SGCZ: variants seen among roughly 807,000 people sequenced by gnomAD.
The protein encoded by SGCZ is sarcoglycan zeta, also known as zeta-sarcoglycan.
A neutral mutation model predicts 41.3 loss-of-function variants in SGCZ; 40 were observed. The observed-to-expected ratio is 0.97, with a 90% CI of 0.75 to 1.26. SGCZ has a LOEUF of 1.26. Among genes scored for constraint, SGCZ ranks in the 50% most tolerant of loss-of-function variants. SGCZ has a pLI of 0.00. For missense variants in SGCZ, 552 were observed against 369.8 expected (o/e 1.49, Z -4.04); for synonymous variants, 206 against 137.5 (o/e 1.50, Z -3.49).
chr8:14,272,547 T>C (rs954631784), intron 3 of SGCZ, among the ~76,000 whole-genome samples: 3 of 152,086 alleles, frequency 2.0e-5, no homozygotes, highest in African/African-American at 7.2e-5. Flanking sequence ...GAACTTGGAG[T>C]TGTCAGTGAA....
chr8:14,709,318 C>T (rs957607), intron 1 of SGCZ, among the ~76,000 whole-genome samples: 9,380 of 152,206 alleles, frequency 0.062, 567 homozygotes, highest in African/African-American at 0.16. Context: ...ATCCCTCCAA[C>T]CCAGAGAAAG....
At chr8:14,270,095 G>A (rs777486183) in intron 3 of SGCZ, among the ~76,000 whole-genome samples, 1 of 152,024 alleles carries the variant, frequency 6.6e-6, no homozygotes, top group Non-Finnish European at 1.5e-5. Flanking sequence ...ACTTTGGGAG[G>A]CCGAGGCAAG....
chr8:14,888,030 AGTC>A (rs1804874371), intron 1 of SGCZ, among the ~76,000 whole-genome samples: 6 of 152,188 alleles, frequency 3.9e-5, no homozygotes, highest in Non-Finnish European at 8.8e-5. Context: ...AGCTTAATTC[AGTC>A]ATTCCACATT....
chr8:14,459,895 T>C (rs929894689), intron 2 of SGCZ, among the ~76,000 whole-genome samples: 1 of 151,942 alleles, frequency 6.6e-6, no homozygotes, highest in African/African-American at 2.4e-5. Context: ...ACAGTATTCC[T>C]AAAATGAGTC....
At chr8:14,732,494 C>T (rs1052218155) in intron 1 of SGCZ, among the ~76,000 whole-genome samples, 1 of 152,132 alleles carries the variant, frequency 6.6e-6, no homozygotes, top group African/African-American at 2.4e-5. Flanking sequence ...GTTCTCTAAG[C>T]CCTCTGCATG....
At chr8:14,625,139 C>T (rs938851216) in intron 1 of SGCZ, among the ~76,000 whole-genome samples, 6 of 152,076 alleles carry the variant, frequency 3.9e-5, no homozygotes, top group East Asian at 1.9e-4. Context: ...TAATACATTG[C>T]TATTGAAATT....
At chr8:14,379,521 C>G (rs972367216) in intron 2 of SGCZ, among the ~76,000 whole-genome samples, 11 of 152,036 alleles carry the variant, frequency 7.2e-5, no homozygotes, top group East Asian at 3.9e-4. Flanking sequence ...GGAAACAACT[C>G]AATATCATGA....
intron 1 of SGCZ, among the ~76,000 whole-genome samples, chr8:14,806,684 C>G (rs951033490): frequency 1.3e-5 from 2 of 152,112 alleles, no homozygotes; most frequent in Non-Finnish European, 2.9e-5. Flanking sequence ...CCTTCTGAAA[C>G]TATTACAATC....
chr8:14,332,080 C>T (rs1222725580), intron 2 of SGCZ, among the ~76,000 whole-genome samples: 2 of 151,978 alleles, frequency 1.3e-5, no homozygotes, highest in Non-Finnish European at 2.9e-5. Flanking sequence ...ATCCACATAT[C>T]ACTAGCCTCA....
chr8:15,055,014 G>T (rs116025247), intron 1 of SGCZ, among the ~76,000 whole-genome samples: 4,953 of 150,996 alleles, frequency 0.033, 92 homozygotes, highest in African/African-American at 0.053. Context: ...ATCCCAGTTT[G>T]TATATGAACA....
intron 1 of SGCZ, among the ~76,000 whole-genome samples, chr8:15,130,055 G>C (rs556399007): frequency 2.6e-5 from 4 of 152,212 alleles, no homozygotes; most frequent in South Asian, 2.1e-4. Flanking sequence ...CTTCTAATCA[G>C]AATGAGGCAT....
chr8:14,247,948 T>C (rs189689461), intron 3 of SGCZ, among the ~76,000 whole-genome samples: 1 of 152,208 alleles, frequency 6.6e-6, no homozygotes, highest in Non-Finnish European at 1.5e-5. Context: ...ATTTACTTTA[T>C]ATAGAAAAAT....
At position 14,215,595 on chromosome 8, in the gene SGCZ, A is replaced by G. The variant is rs570375115; in HGVS notation, c.424+21997T>C. On this transcript the variant is annotated intron_variant, in intron 4 of 7. Coordinates refer to ENST00000382080, the MANE Select transcript of SGCZ (RefSeq NM_139167.4). Reference sequence around the variant, plus strand: ...GTTTGAAAAAAATTTAAGCCATTCAAGATTTACAAAGATGAAAAAAGAGAG... The same window carrying G: ...GTTTGAAAAAAATTTAAGCCATTCAGGATTTACAAAGATGAAAAAAGAGAG... Among the ~76,000 whole-genome samples, 65 of 152,198 alleles carry G rather than the reference A, an allele frequency of 4.3e-4. 1 individual carries two copies. The highest frequency in any genetic ancestry group is 3.4e-3 in the Middle Eastern group (1 of 294).
At chr8:15,218,955 T>C (rs926810558) in intron 1 of SGCZ, among the ~76,000 whole-genome samples, 1 of 152,188 alleles carries the variant, frequency 6.6e-6, no homozygotes, top group African/African-American at 2.4e-5. Context: ...GTGCCAAAGC[T>C]GAACAAAGAG....
intron 3 of SGCZ, among the ~76,000 whole-genome samples, chr8:14,305,243 C>T (rs35492010): frequency 0.022 from 3,374 of 152,114 alleles, 54 homozygotes; most frequent in Non-Finnish European, 0.036. Flanking sequence ...AACATGAATT[C>T]AAAAGGATGA....
chr8:15,098,336 T>C (rs192710148), intron 1 of SGCZ, among the ~76,000 whole-genome samples: 18 of 152,284 alleles, frequency 1.2e-4, no homozygotes, highest in East Asian at 5.8e-4. Context: ...GTAATTATGT[T>C]AGATGCAATT....
chr8:15,159,349 C>T (rs879460811), intron 1 of SGCZ, among the ~76,000 whole-genome samples: 8 of 152,122 alleles, frequency 5.3e-5, no homozygotes, highest in Non-Finnish European at 8.8e-5. Context: ...ACATGGTTCC[C>T]TGAGTTCTGT....
intron 1 of SGCZ, among the ~76,000 whole-genome samples, chr8:14,821,122 A>G (rs1323704162): frequency 6.6e-6 from 1 of 151,996 alleles, no homozygotes; most frequent in Non-Finnish European, 1.5e-5. Flanking sequence ...ATCAGAGATG[A>G]AAAAAGAAAT....
intron 1 of SGCZ, among the ~76,000 whole-genome samples, chr8:14,755,079 A>T (rs1457521549): frequency 2.0e-5 from 3 of 152,038 alleles, no homozygotes; most frequent in Admixed American, 1.3e-4. Flanking sequence ...TCAATGTCTT[A>T]TTCATGTTGT....
Sources: gnomAD v4.1 joint callset for allele counts (sites outside exome capture counted in the v4.1 genomes callset) on GRCh38, gnomAD v4.1.1 for gene constraint, MANE v1.5 for transcripts, NCBI Gene and HGNC (gene_info 2026-07-23, HGNC 2026-07-21) for gene names.